RNLS: variants seen among roughly 807,000 people sequenced by gnomAD.
The protein encoded by RNLS is renalase.
A neutral mutation model predicts 39.8 loss-of-function variants in RNLS; 39 were observed. The observed-to-expected ratio is 0.98, with a 90% CI of 0.76 to 1.28. The LOEUF (loss-of-function observed/expected upper bound fraction) is 1.28, where lower values mean the gene tolerates loss of function less well. Ranked by LOEUF, RNLS falls within the 50% of genes most tolerant of loss-of-function variation. The pLI, the probability that RNLS is intolerant of heterozygous loss-of-function variation, is 0.00. For missense variants in RNLS, 410 were observed against 413.3 expected (o/e 0.99, Z 0.07); for synonymous variants, 147 against 150.7 (o/e 0.98, Z 0.18).
intron 3 of RNLS, among the ~76,000 whole-genome samples, chr10:88,573,830 A>G (rs1248436987): frequency 6.7e-6 from 1 of 149,948 alleles, no homozygotes; most frequent in African/African-American, 2.5e-5. Context: ...TTTATTAGTT[A>G]AGTATTTATT....
the RNLS span, among the ~76,000 whole-genome samples, chr10:88,247,115 A>C: frequency 6.6e-6 from 1 of 152,150 alleles, no homozygotes; most frequent in South Asian, 2.1e-4. Context: ...GAATGGCCAG[A>C]GTCGGGGAGA....
chr10:88,364,949 G>C (rs1589656942), intron 4 of RNLS, among the ~76,000 whole-genome samples: 1 of 152,056 alleles, frequency 6.6e-6, no homozygotes, highest in African/African-American at 2.4e-5. Flanking sequence ...CTTAGTAACT[G>C]AAAGGGCCTA....
the RNLS span, among the ~76,000 whole-genome samples, chr10:88,232,257 C>T: frequency 6.6e-6 from 1 of 152,100 alleles, no homozygotes; most frequent in Non-Finnish European, 1.5e-5. Context: ...TGGGCCACGA[C>T]TGCATCTGAA....
intron 4 of RNLS, among the ~76,000 whole-genome samples, chr10:88,482,894 A>G (rs750887412): frequency 6.6e-6 from 1 of 151,816 alleles, no homozygotes; most frequent in Non-Finnish European, 1.5e-5. Context: ...GTAGCCGCTG[A>G]TATCCCTGCT....
intron 4 of RNLS, among the ~76,000 whole-genome samples, chr10:88,396,412 T>C (rs1852560595): frequency 1.3e-5 from 2 of 151,758 alleles, no homozygotes; most frequent in Admixed American, 1.3e-4. Context: ...AACTAGATTG[T>C]TGTAAATTAA....
intron 5 of RNLS, among the ~76,000 whole-genome samples, chr10:88,341,591 ATTAT>A (rs1847964890): frequency 6.6e-6 from 1 of 152,110 alleles, no homozygotes; most frequent in South Asian, 2.1e-4. Context: ...GTGCCATATA[ATTAT>A]TTAAAAGTAA....
rs5786828 is a variant in RNLS, at chr10:88,569,320, CTT to C, written c.526+3581_526+3582del. 8.2e-4 allele frequency among the ~76,000 whole-genome samples: 123 copies of C among 149,400 alleles called. 1 individual carries two copies. The South Asian group carries it at 0.015, about 18-fold the overall frequency. On this transcript the variant is annotated intron_variant, in intron 4 of 6. Coordinates refer to ENST00000331772, the MANE Select transcript of RNLS (RefSeq NM_001031709.3). Reference sequence around the variant, plus strand: ...TTCCAATTTAAAAACCAAGATGTCACTTTTTTTTTTTTGTAACAGCAAAGTTG... The same window carrying C: ...TTCCAATTTAAAAACCAAGATGTCACTTTTTTTTTTGTAACAGCAAAGTTG...
intron 4 of RNLS, among the ~76,000 whole-genome samples, chr10:88,365,985 C>T (rs1363059726): frequency 6.6e-6 from 1 of 152,070 alleles, no homozygotes; most frequent in Non-Finnish European, 1.5e-5. Flanking sequence ...ATCTATTCAT[C>T]CATCCATCCA....
intron 4 of RNLS, among the ~76,000 whole-genome samples, chr10:88,505,821 T>C (rs1302921225): frequency 6.6e-6 from 1 of 152,128 alleles, no homozygotes; most frequent in Non-Finnish European, 1.5e-5. Flanking sequence ...TAAAACCAGA[T>C]GCCACCATGT....
intron 4 of RNLS, among the ~76,000 whole-genome samples, chr10:88,444,085 T>C (rs1325859637): frequency 6.6e-6 from 1 of 152,186 alleles, no homozygotes; most frequent in Non-Finnish European, 1.5e-5. Context: ...AGGGGAAGAC[T>C]GACACCTCAC....
chr10:88,235,143 C>T, the RNLS span, among the ~76,000 whole-genome samples: 2 of 151,710 alleles, frequency 1.3e-5, no homozygotes, highest in South Asian at 4.2e-4. Context: ...TGGCGGGTGC[C>T]TGTAGTCCCA....
At chr10:88,281,019 A>G (rs1842991970), downstream of RNLS, among the ~76,000 whole-genome samples, 1 of 152,164 alleles carries the variant, frequency 6.6e-6, no homozygotes, top group African/African-American at 2.4e-5. Context: ...ATTACTGTCT[A>G]TTGAGAAGGA....
intron 4 of RNLS, among the ~76,000 whole-genome samples, chr10:88,467,661 A>G (rs1843288826): frequency 6.6e-6 from 1 of 152,120 alleles, no homozygotes; most frequent in Non-Finnish European, 1.5e-5. Flanking sequence ...GGGAATTAAA[A>G]AAAAATGCCT....
intron 4 of RNLS, among the ~76,000 whole-genome samples, chr10:88,489,231 A>G (rs1194720072): frequency 6.6e-6 from 1 of 152,194 alleles, no homozygotes; most frequent in African/African-American, 2.4e-5. Context: ...AAGTAAAGTT[A>G]TTAATTAAAT....
chr10:88,348,653 T>C (rs1018021254), intron 5 of RNLS, among the ~76,000 whole-genome samples: 1 of 152,246 alleles, frequency 6.6e-6, no homozygotes, highest in Non-Finnish European at 1.5e-5. Context: ...ATGACTTATA[T>C]GCATCTATTG....
At chr10:88,276,517 T>C (rs1261544081) in intron 6 of RNLS, among the ~76,000 whole-genome samples, 1 of 152,192 alleles carries the variant, frequency 6.6e-6, no homozygotes, top group Non-Finnish European at 1.5e-5. Context: ...TTGCTAATTT[T>C]CCTCAAATTA....
At chr10:88,304,235 C>T (rs1056338234) in intron 6 of RNLS, among the ~76,000 whole-genome samples, 1 of 152,166 alleles carries the variant, frequency 6.6e-6, no homozygotes, top group African/African-American at 2.4e-5. Context: ...GATAAGCTCA[C>T]AAAGATGAGA....
At chr10:88,487,922 A>ATTGT (rs1266001968) in intron 4 of RNLS, among the ~76,000 whole-genome samples, 3 of 152,218 alleles carry the variant, frequency 2.0e-5, no homozygotes, top group African/African-American at 7.2e-5. Context: ...TGCATACAAT[A>ATTGT]ATGCAGATGA....
At chr10:88,196,440 T>C in the RNLS span, among the ~76,000 whole-genome samples, 6 of 152,344 alleles carry the variant, frequency 3.9e-5, no homozygotes, top group Middle Eastern at 3.4e-3. Flanking sequence ...ATGCTTCAGC[T>C]GTTTTTGGGT....
Sources: allele counts gnomAD v4.1 joint callset (sites outside exome capture counted in the v4.1 genomes callset), GRCh38; gene constraint gnomAD v4.1.1; transcripts MANE v1.5; gene names NCBI Gene and HGNC (gene_info 2026-07-23, HGNC 2026-07-21).